SVIL: variants seen among roughly 807,000 people sequenced by gnomAD.
The protein encoded by SVIL is archvillin.
In SVIL, 101 loss-of-function variants were observed where a neutral mutation model predicts 240.4. The observed-to-expected ratio is 0.42, with a 90% CI of 0.36 to 0.50. The LOEUF is 0.50. Ranked by LOEUF, SVIL falls within the 20% of genes least tolerant of loss-of-function variation. SVIL has a pLI of 0.01. For missense variants in SVIL, 2,512 were observed against 2,818.7 expected, an observed-to-expected ratio of 0.89 and a Z score of 2.46; for synonymous variants, 999 against 1,100.0, an observed-to-expected ratio of 0.91 and a Z score of 1.82.
chr10:29,507,119 A>C (rs563291427), intron 17 of SVIL, among the ~76,000 whole-genome samples: 2 of 152,088 alleles, frequency 1.3e-5, no homozygotes, highest in African/African-American at 4.8e-5. Flanking sequence ...CATGGTCTCT[A>C]GTTTTAATAG....
Position 29,484,758 on chromosome 10 carries a change from A to G in SVIL, c.4853T>C (p.Ile1618Thr), listed in dbSNP as rs1947233779. 6.2e-7 allele frequency: 1 copy of G among 1,613,742 alleles called. No individual in the cohort carries two copies. The highest frequency in any genetic ancestry group is 1.1e-5 in the South Asian group (1 of 91,048). Residue 1618 changes from isoleucine (I) to threonine (T), a missense_variant, in exon 27 of 38, where the codon ATA (isoleucine) becomes ACA (threonine). Coordinates refer to ENST00000355867, the MANE Select transcript of SVIL (RefSeq NM_021738.3). This position sits in a 1 kb window ranked among gnomAD's most constrained non-coding sequence, Gnocchi z 4.7. ...TAAGTGCTTTGCCAGCTGAAATGCT[A>G]TTTTTCGTTGTGCTAATGTGACTTC... ...GKEVTLAQRK[I>T]AFQLAKHLWN...
chr10:29,660,905 A>T (rs1959139665), intron 2 of SVIL, among the ~76,000 whole-genome samples: 1 of 152,088 alleles, frequency 6.6e-6, no homozygotes, highest in East Asian at 1.9e-4. Flanking sequence ...GTGGTGCCTC[A>T]CGCCTGTAAT....
intron 1 of SVIL, among the ~76,000 whole-genome samples, chr10:29,633,236 CAAAAAAA>C (rs5784146): frequency 2.8e-5 from 2 of 71,078 alleles, no homozygotes; most frequent in African/African-American, 1.1e-4. Flanking sequence ...GACTCCATCT[CAAAAAAA>C]AAAAAAAAAA....
intron 1 of SVIL, among the ~76,000 whole-genome samples, chr10:29,734,764 C>CAGATGCTGAGAAACATCTGGCGCAGTAG (rs1239685666): frequency 6.6e-6 from 1 of 152,202 alleles, no homozygotes; most frequent in African/African-American, 2.4e-5. Context: ...CTCTCCTGTT[C>CAGATGCTGAGAAACATCTGGCGCAGTAG]AGATGCTGAG....
intron 7 of SVIL, among the ~76,000 whole-genome samples, chr10:29,534,526 A>G (rs561080190): frequency 6.6e-6 from 1 of 152,340 alleles, no homozygotes; most frequent in African/African-American, 2.4e-5. Context: ...TAAAATAAAA[A>G]TAAAGAGAGA....
At chr10:29,565,244 G>A (rs1274432773) in intron 2 of SVIL, among the ~76,000 whole-genome samples, 1 of 152,124 alleles carries the variant, frequency 6.6e-6, no homozygotes, top group East Asian at 1.9e-4. Context: ...TAAAAAGCAA[G>A]AAACTGTCCC....
Position 29,692,039 on chromosome 10 carries a change from TAA to T in SVIL, c.-399-5390_-399-5389del, listed in dbSNP as rs142857099. Among the ~76,000 whole-genome samples the T allele has an allele frequency of 1.2e-3, 177 of 152,292 alleles. 1 individual carries two copies. Among genetic ancestry groups the T allele is most frequent in the African/African-American group, 4.1e-3 (169 of 41,568 alleles). Reference sequence around the variant, plus strand: ...GAATCCCTGCCGCAGCTCACTCAGCTAAGACACTGTCAACCTCAGTGAAGAAC... The same window carrying T: ...GAATCCCTGCCGCAGCTCACTCAGCTGACACTGTCAACCTCAGTGAAGAAC... On this transcript the variant is annotated intron_variant, in intron 1 of 35. Coordinates refer to the SVIL transcript ENST00000375400.
At chr10:29,603,851 T>C (rs1956906291) in intron 1 of SVIL, among the ~76,000 whole-genome samples, 1 of 152,236 alleles carries the variant, frequency 6.6e-6, no homozygotes, top group Non-Finnish European at 1.5e-5. Context: ...AGGCTGCTAA[T>C]AGATGTCATA....
At chr10:29,474,059 C>T in intron 29 of SVIL, 70 bp from the exon 30 acceptor site, 4 of 1,568,720 alleles carry the variant, frequency 2.5e-6, no homozygotes, top group Non-Finnish European at 3.4e-6. Context: ...ATGTCTGGCT[C>T]ACTTTCCCCG....
At chr10:29,573,916 G>T (rs924646182) in intron 1 of SVIL, among the ~76,000 whole-genome samples, 1 of 152,120 alleles carries the variant, frequency 6.6e-6, no homozygotes. Flanking sequence ...GGCTGCTCTC[G>T]AACTCCGGAC....
rs745408674 is a variant in SVIL, at chr10:29,458,508, G to A, written c.6484C>T (p.Leu2162Phe). Residue 2162 changes from leucine (L) to phenylalanine (F), a missense_variant, in exon 37 of 38, where the codon CTC becomes TTC. Leu to Phe is a conservative substitution (Grantham distance 22). Around this residue, in one of 3 missense-constraint regions of SVIL, gnomAD observed 797 missense variants for 925.3 expected, o/e 0.86. Coordinates refer to ENST00000355867, the MANE Select transcript of SVIL (RefSeq NM_021738.3). ...CCCTCCGGGAGTGGCCTGGCCAGGA[G>A]GTCGGCCAGCGGGTAAATGGTTTTA... ...LCKTIYPLADLLARPLPEGVD... is the reference protein window; with the variant it reads ...LCKTIYPLADFLARPLPEGVD... 2.3e-5 allele frequency: 36 copies of A among 1,597,194 alleles called. 1 individual carries two copies. The South Asian group carries it at 3.8e-4, about 17-fold the overall frequency.
At chr10:29,604,135 C>A (rs1224320971) in intron 1 of SVIL, among the ~76,000 whole-genome samples, 6 of 151,974 alleles carry the variant, frequency 3.9e-5, no homozygotes, top group Non-Finnish European at 5.9e-5. Flanking sequence ...AAGAGAGGCA[C>A]CACATTCACA....
intron 17 of SVIL, among the ~76,000 whole-genome samples, chr10:29,504,298 G>C (rs958691843): frequency 3.9e-5 from 6 of 152,128 alleles, no homozygotes; most frequent in Admixed American, 3.9e-4. Flanking sequence ...TTAGTTTTTA[G>C]ATATAACACC....
At chr10:29,633,980 T>C (rs1015801948) in intron 1 of SVIL, among the ~76,000 whole-genome samples, 1 of 152,108 alleles carries the variant, frequency 6.6e-6, no homozygotes, top group African/African-American at 2.4e-5. Flanking sequence ...TCACTGGTGA[T>C]TTTCTATTTT....
At chr10:29,591,584 C>T (rs904819651) in intron 1 of SVIL, among the ~76,000 whole-genome samples, 9 of 152,198 alleles carry the variant, frequency 5.9e-5, no homozygotes, top group Admixed American at 5.9e-4. Context: ...ACATTTTACT[C>T]AGAATCTCAC....
At chr10:29,523,034 G>C (rs1217871223) in intron 15 of SVIL, among the ~76,000 whole-genome samples, 1 of 152,218 alleles carries the variant, frequency 6.6e-6, no homozygotes, top group Non-Finnish European at 1.5e-5. Context: ...GGCCCACGCA[G>C]TGTAGCTTGC....
chr10:29,680,741 A>T (rs1001927180), intron 2 of SVIL, among the ~76,000 whole-genome samples: 3 of 152,166 alleles, frequency 2.0e-5, no homozygotes, highest in African/African-American at 7.2e-5. Flanking sequence ...CAACATAGTA[A>T]AACCCTGTCT....
At chr10:29,503,605 G>A (rs1949060860) in intron 17 of SVIL, among the ~76,000 whole-genome samples, 1 of 152,108 alleles carries the variant, frequency 6.6e-6, no homozygotes, top group Admixed American at 6.5e-5. Flanking sequence ...TATTTAGCTG[G>A]GAAACATTGT....
At chr10:29,608,442 G>A (rs1192620849) in intron 1 of SVIL, among the ~76,000 whole-genome samples, 1 of 152,228 alleles carries the variant, frequency 6.6e-6, no homozygotes, top group Non-Finnish European at 1.5e-5. Flanking sequence ...CAGGAGCCCT[G>A]CACCCTACCA....
Sources: gnomAD v4.1 joint callset for allele counts (sites outside exome capture counted in the v4.1 genomes callset) on GRCh38, gnomAD v4.1.1 for gene constraint, gnomAD v4.1.1 regional missense constraint, Gnocchi (gnomAD v3.1) non-coding constraint, MANE v1.5 for transcripts, NCBI Gene and HGNC (gene_info 2026-07-23, HGNC 2026-07-21) for gene names.